The following SEM1 variants were observed in gnomAD, a reference collection of about 807,000 sequenced individuals.
SEM1 encodes SEM1 26S proteasome subunit, also known as 26S proteasome complex subunit SEM1.
In SEM1, 3 loss-of-function variants were observed where a neutral mutation model predicts 12.7. The ratio of observed to expected loss-of-function variants is 0.24; its 90% CI spans 0.11 to 0.61. The LOEUF (loss-of-function observed/expected upper bound fraction) is 0.61. Among genes scored for constraint, SEM1 ranks in the 20% least tolerant of loss-of-function variants. The pLI is 0.88. For synonymous variants in SEM1, 30 were observed against 27.8 expected (o/e 1.08, Z -0.25); for missense variants, 59 against 81.3 (o/e 0.73, Z 1.06).
intron 2 of SEM1, among the ~76,000 whole-genome samples, chr7:96,540,170 A>C (rs777920232): frequency 6.6e-6 from 1 of 151,508 alleles, no homozygotes; most frequent in Non-Finnish European, 1.5e-5. Flanking sequence ...GAAACTCAAA[A>C]CTCTGAAAAC....
At chr7:96,517,652 CT>C (rs1804138768) in intron 2 of SEM1, among the ~76,000 whole-genome samples, 1 of 151,878 alleles carries the variant, frequency 6.6e-6, no homozygotes, top group South Asian at 2.1e-4. Context: ...TGATAGTTGT[CT>C]TTTTTTAAAT....
intron 2 of SEM1, among the ~76,000 whole-genome samples, chr7:96,612,291 C>T (rs1917486): frequency 0.59 from 89,196 of 151,958 alleles, 28,049 homozygotes; most frequent in East Asian, 0.79. Context: ...TAAAAAATGT[C>T]TGGCACCTGA....
intron 2 of SEM1, among the ~76,000 whole-genome samples, chr7:96,690,390 T>A (rs10260320): frequency 0.34 from 51,652 of 151,828 alleles, 10,518 homozygotes; most frequent in African/African-American, 0.58. Context: ...TTGTTTACAA[T>A]CACAAACAAG....
At chr7:96,638,230 A>C (rs17495527) in intron 2 of SEM1, among the ~76,000 whole-genome samples, 7,765 of 152,044 alleles carry the variant, frequency 0.051, 244 homozygotes, top group South Asian at 0.091. Context: ...ATTCAGACTT[A>C]ATTGGTACTT....
At chr7:96,605,140 C>T (rs1021384166) in intron 2 of SEM1, among the ~76,000 whole-genome samples, 3 of 152,008 alleles carry the variant, frequency 2.0e-5, no homozygotes, top group Non-Finnish European at 2.9e-5. Flanking sequence ...GTTTTAATAA[C>T]CCTTCTAAAC....
intron 1 of SEM1, among the ~76,000 whole-genome samples, chr7:96,701,888 C>T (rs1392465565): frequency 6.6e-6 from 1 of 151,906 alleles, no homozygotes; most frequent in Admixed American, 6.6e-5. Flanking sequence ...TTAAGATATG[C>T]CAGGTCTAAG....
chr7:96,684,362 T>C (rs1392658807), downstream of SEM1, among the ~76,000 whole-genome samples: 2 of 152,000 alleles, frequency 1.3e-5, no homozygotes, highest in African/African-American at 4.8e-5. Context: ...ATTACTAAGA[T>C]TGGCTTAAGA....
At chr7:96,599,510 CTG>C (rs1807125077) in intron 2 of SEM1, among the ~76,000 whole-genome samples, 1 of 152,180 alleles carries the variant, frequency 6.6e-6, no homozygotes, top group Admixed American at 6.5e-5. Context: ...GCTGATGAGA[CTG>C]GTATCAGGTT....
intron 2 of SEM1, among the ~76,000 whole-genome samples, chr7:96,605,721 A>C (rs1807331244): frequency 6.6e-6 from 1 of 151,578 alleles, no homozygotes; most frequent in Non-Finnish European, 1.5e-5. Flanking sequence ...GGTTTCTTTG[A>C]TTGCCGTACA....
exon 3 of SEM1, chr7:96,622,622 C>T: frequency 1.3e-6 from 1 of 764,886 alleles, no homozygotes; most frequent in Non-Finnish European, 2.4e-6. Context: ...CCCGCTATTC[C>T]TCCAGTTCAC....
chr7:96,628,681 T>G (rs561329504), intron 2 of SEM1, among the ~76,000 whole-genome samples: 1 of 152,296 alleles, frequency 6.6e-6, no homozygotes, highest in East Asian at 1.9e-4. Flanking sequence ...TTACACACCA[T>G]AATTACAGTG....
chr7:96,574,929 G>A (rs1806157683), intron 2 of SEM1, among the ~76,000 whole-genome samples: 2 of 152,126 alleles, frequency 1.3e-5, no homozygotes, highest in South Asian at 2.1e-4. Context: ...GCTTGGAGGA[G>A]TTTGTTATTA....
rs888461582 is a variant in SEM1 at position 96,553,028 on chromosome 7, T to A, written c.171-46330A>T. Among the ~76,000 whole-genome samples the A allele has an allele frequency of 3.2e-4, 48 of 152,202 alleles. No individual in the cohort carries two copies. The South Asian group carries it at 3.7e-3, about 12-fold the overall frequency. Reference sequence around the variant, plus strand: ...GTGTCTGTTCATGTCCTTCACCCACTTTTTGATGGGGTTGTTTGTTTTTTT... The same window carrying A: ...GTGTCTGTTCATGTCCTTCACCCACATTTTGATGGGGTTGTTTGTTTTTTT... On this transcript the variant is annotated intron_variant and NMD_transcript_variant, in intron 2 of 3. Transcript: ENST00000466986.
chr7:96,483,950 G>T, exon 4 of SEM1: 1 of 1,535,164 alleles, frequency 6.5e-7, no homozygotes, highest in Non-Finnish European at 8.7e-7. Context: ...CACCAAGGAT[G>T]GTGGGGGGCT....
chr7:96,531,704 G>A (rs1175701687), intron 2 of SEM1, among the ~76,000 whole-genome samples: 4 of 151,780 alleles, frequency 2.6e-5, no homozygotes. Flanking sequence ...TACATGACAA[G>A]GATCAGAACA....
intron 2 of SEM1, among the ~76,000 whole-genome samples, chr7:96,524,651 AC>A (rs1427263629): frequency 6.6e-6 from 1 of 151,928 alleles, no homozygotes; most frequent in Non-Finnish European, 1.5e-5. Flanking sequence ...AATATATTTA[AC>A]CCATTATATT....
chr7:96,613,961 C>T (rs183371933), intron 2 of SEM1, among the ~76,000 whole-genome samples: 161 of 152,278 alleles, frequency 1.1e-3, no homozygotes, highest in African/African-American at 3.7e-3. Flanking sequence ...TGGGCACTTC[C>T]ATAGTTTCTA....
intron 2 of SEM1, among the ~76,000 whole-genome samples, chr7:96,605,599 GA>G (rs1807326787): frequency 6.6e-6 from 1 of 152,146 alleles, no homozygotes; most frequent in Non-Finnish European, 1.5e-5. Flanking sequence ...TCTGTTTCCA[GA>G]ATCTGCTTTC....
At chr7:96,682,631 A>T (rs1789647992) in intron 2 of SEM1, among the ~76,000 whole-genome samples, 1 of 152,116 alleles carries the variant, frequency 6.6e-6, no homozygotes, top group African/African-American at 2.4e-5. Context: ...TTCATGACTA[A>T]AACACCAAAG....
Sources: allele counts gnomAD v4.1 joint callset (sites outside exome capture counted in the v4.1 genomes callset), GRCh38; gene constraint gnomAD v4.1.1; transcripts MANE v1.5; gene names NCBI Gene and HGNC (gene_info 2026-07-23, HGNC 2026-07-21).